Variants in RAD51B observed in about 807,000 individuals in gnomAD.
RAD51B encodes the protein DNA repair protein RAD51 homolog 2.
In RAD51B, 38 loss-of-function variants were observed where a neutral mutation model predicts 42.2. The observed-to-expected ratio is 0.90, with a 90% CI of 0.70 to 1.18. The LOEUF (loss-of-function observed/expected upper bound fraction) is 1.18, where lower values mean the gene tolerates loss of function less well. Among genes scored for constraint, RAD51B ranks in the 50% most tolerant of loss-of-function variants. RAD51B has a pLI of 0.00. For synonymous variants in RAD51B, 154 were observed against 145.2 expected (o/e 1.06, Z -0.43); for missense variants, 373 against 400.7 (o/e 0.93, Z 0.59).
intron 10 of RAD51B, among the ~76,000 whole-genome samples, chr14:68,582,989 A>T (rs532763555): frequency 1.3e-5 from 2 of 152,208 alleles, no homozygotes; most frequent in South Asian, 4.1e-4. Flanking sequence ...GTCACACACC[A>T]GGGCCTGTAA....
chr14:68,045,471 C>T (rs974593265), intron 7 of RAD51B, among the ~76,000 whole-genome samples: 6 of 151,900 alleles, frequency 3.9e-5, no homozygotes, highest in African/African-American at 1.5e-4. Context: ...CATTTAATTC[C>T]GTATCTTAAT....
At position 67,960,168 on chromosome 14, in the gene RAD51B, A is replaced by G. The variant is rs141714108; in HGVS notation, c.756+72964A>G. The stretch of plus-strand genomic sequence containing the variant: ...AAACATAACGTTCTATGTTAAGTGT[A>G]TAAATATACTACTTGACAGAAATAA... On this transcript the variant is annotated intron_variant, in intron 7 of 10. Coordinates refer to ENST00000471583, the MANE Select transcript of RAD51B (RefSeq NM_133510.4). 3.8e-3 allele frequency among the ~76,000 whole-genome samples: 581 copies of G among 152,312 alleles called. 8 individuals carry two copies. The highest frequency in any genetic ancestry group is 0.013 in the African/African-American group (560 of 41,572).
intron 9 of RAD51B, among the ~76,000 whole-genome samples, chr14:68,426,042 CTCTT>C (rs2084840100): frequency 7.4e-6 from 1 of 135,914 alleles, no homozygotes; most frequent in African/African-American, 2.7e-5. Flanking sequence ...CTTTCTTTCT[CTCTT>C]TCTCTCTCTC....
At chr14:68,364,257 G>T (rs911121370) in intron 8 of RAD51B, among the ~76,000 whole-genome samples, 1 of 152,120 alleles carries the variant, frequency 6.6e-6, no homozygotes, top group African/African-American at 2.4e-5. Context: ...CCTCAGGGGA[G>T]CCCTGTCTCC....
At chr14:68,515,438 T>C (rs999862420) in intron 10 of RAD51B, among the ~76,000 whole-genome samples, 2 of 117,450 alleles carry the variant, frequency 1.7e-5, no homozygotes, top group Non-Finnish European at 3.6e-5. Flanking sequence ...TTTCTTCTTC[T>C]TCTTCTTTTT....
chr14:68,303,314 T>C (rs12885750), intron 8 of RAD51B, among the ~76,000 whole-genome samples: 4 of 151,808 alleles, frequency 2.6e-5, no homozygotes, highest in Admixed American at 6.6e-5. Context: ...CACACCAGGT[T>C]GGGGGCTAGG....
At chr14:67,868,584 A>C (rs2042409523) in intron 5 of RAD51B, among the ~76,000 whole-genome samples, 1 of 152,260 alleles carries the variant, frequency 6.6e-6, no homozygotes, top group Admixed American at 6.5e-5. Flanking sequence ...GGAGCCCACC[A>C]CAGCTCAAGG....
intron 8 of RAD51B, among the ~76,000 whole-genome samples, chr14:68,378,746 G>A (rs2083421796): frequency 6.6e-6 from 1 of 151,444 alleles, no homozygotes; most frequent in African/African-American, 2.4e-5. Flanking sequence ...GGAAACCCTA[G>A]ATATGGAGGG....
intron 9 of RAD51B, among the ~76,000 whole-genome samples, chr14:68,437,375 A>G (rs2085171531): frequency 6.6e-6 from 1 of 152,158 alleles, no homozygotes; most frequent in Non-Finnish European, 1.5e-5. Context: ...ATCGTGGTGA[A>G]TTAACTTTTT....
At chr14:68,513,195 A>C (rs1375664919) in intron 10 of RAD51B, among the ~76,000 whole-genome samples, 1 of 152,122 alleles carries the variant, frequency 6.6e-6, no homozygotes, top group African/African-American at 2.4e-5. Flanking sequence ...GGCTATAGAG[A>C]GGCTCATGGA....
intron 4 of RAD51B, chr14:67,864,681 A>C (rs1321352881): frequency 2.4e-6 from 1 of 414,910 alleles, no homozygotes; most frequent in African/African-American, 2.0e-5. Context: ...CCAAGTTATG[A>C]TGGTATAAAT....
rs148430722 is a variant in RAD51B at position 68,483,973 on chromosome 14, A to G, written c.1036+15723A>G. ...CACACCTCTTTGCTCCTTTCAACCA[A>G]TGAAAAAATCATGTTTTAAAGCTTT... On this transcript the variant is annotated intron_variant, in intron 10 of 10. Transcript: ENST00000487270. 8.8e-3 allele frequency among the ~76,000 whole-genome samples: 1,346 copies of G among 152,324 alleles called. 25 individuals are homozygous for G. The highest frequency in any genetic ancestry group is 0.031 in the African/African-American group (1,304 of 41,578).
At chr14:68,034,157 A>C (rs1041221743) in intron 7 of RAD51B, among the ~76,000 whole-genome samples, 1 of 151,846 alleles carries the variant, frequency 6.6e-6, no homozygotes, top group African/African-American at 2.4e-5. Flanking sequence ...AATATTTCTC[A>C]TTTTGCAATT....
At chr14:68,554,361 A>T (rs1888722482) in intron 10 of RAD51B, among the ~76,000 whole-genome samples, 1 of 152,242 alleles carries the variant, frequency 6.6e-6, no homozygotes, top group Non-Finnish European at 1.5e-5. Flanking sequence ...GAGTGGTCTC[A>T]GTGTCCTACC....
intron 4 of RAD51B, among the ~76,000 whole-genome samples, chr14:67,837,186 T>G (rs1187797523): frequency 1.3e-5 from 2 of 151,762 alleles, no homozygotes; most frequent in African/African-American, 2.4e-5. Flanking sequence ...CACACACACA[T>G]CCTCTTCTTT....
At chr14:68,658,570 C>T (rs1428954063) in intron 11 of RAD51B, among the ~76,000 whole-genome samples, 1 of 152,218 alleles carries the variant, frequency 6.6e-6, no homozygotes, top group Non-Finnish European at 1.5e-5. Context: ...AGCCCTACTT[C>T]ACAATCCCTC....
intron 7 of RAD51B, among the ~76,000 whole-genome samples, chr14:67,992,460 G>T (rs148587222): frequency 6.6e-6 from 1 of 152,308 alleles, no homozygotes; most frequent in Non-Finnish European, 1.5e-5. Context: ...TACCTTAAGG[G>T]TATGTGGTAA....
chr14:67,835,041 A>G lies in RAD51B; in HGVS notation c.199-39A>G, dbSNP rs749196000. On this transcript the variant is annotated intron_variant, in intron 3 of 10. Transcript: ENST00000471583. ...AGTTGGTTTATGTTTTTGAATATAT[A>G]TAGAGGTTGAAAAAAAACTTAATCA... 409 of 1,447,448 alleles carry G rather than the reference A, an allele frequency of 2.8e-4. 9 individuals are homozygous for G. In the South Asian group the frequency reaches 4.6e-3, roughly 16 times the overall value. 89.7% of individuals were successfully genotyped at this position (1,447,448 alleles called of 1,614,324 possible).
intron 9 of RAD51B, chr14:68,421,847 A>G: frequency 1.3e-6 from 2 of 1,595,044 alleles, no homozygotes; most frequent in East Asian, 2.2e-5. Context: ...CAGTCTTGGC[A>G]GTGCAGATGA....
Sources: gnomAD v4.1 joint callset for allele counts (sites outside exome capture counted in the v4.1 genomes callset) on GRCh38, gnomAD v4.1.1 for gene constraint, MANE v1.5 for transcripts, NCBI Gene and HGNC (gene_info 2026-07-23, HGNC 2026-07-21) for gene names.